The following RSRC1 variants were observed in gnomAD, a reference collection of about 807,000 sequenced individuals.
The protein encoded by RSRC1 is serine/Arginine-related protein 53.
RSRC1 carries 39 observed loss-of-function variants against 49.1 expected under a neutral mutation model. The observed-to-expected ratio is 0.79, with a 90% CI of 0.61 to 1.04. The LOEUF (loss-of-function observed/expected upper bound fraction) is 1.04. RSRC1 is among the 50% of genes least tolerant of loss of function. RSRC1 has a pLI of 0.00. For synonymous variants in RSRC1, 143 were observed against 130.8 expected, an observed-to-expected ratio of 1.09 and a Z score of -0.63; for missense variants, 388 against 402.4, an observed-to-expected ratio of 0.96 and a Z score of 0.31.
intron 7 of RSRC1, among the ~76,000 whole-genome samples, chr3:158,476,533 T>C (rs915592266): frequency 1.3e-5 from 2 of 152,110 alleles, no homozygotes; most frequent in Non-Finnish European, 2.9e-5. Flanking sequence ...CTAGGGTCCT[T>C]GTGAATTATG....
chr3:158,376,584 C>T (rs1445502402), intron 6 of RSRC1, among the ~76,000 whole-genome samples: 4 of 152,152 alleles, frequency 2.6e-5, no homozygotes, highest in Non-Finnish European at 5.9e-5. Flanking sequence ...GTTCCCTTTC[C>T]CAGCATTATG....
At chr3:158,517,495 G>A (rs902108246) in intron 7 of RSRC1, among the ~76,000 whole-genome samples, 23 of 152,098 alleles carry the variant, frequency 1.5e-4, no homozygotes, top group African/African-American at 5.1e-4. Context: ...TTTTATAGGG[G>A]GTGATGTTTG....
chr3:158,436,188 G>T (rs1466861015), intron 6 of RSRC1, among the ~76,000 whole-genome samples: 1 of 151,878 alleles, frequency 6.6e-6, no homozygotes, highest in African/African-American at 2.4e-5. Context: ...ACCTCAAGTA[G>T]TTGGCAGTCT....
intron 5 of RSRC1, among the ~76,000 whole-genome samples, chr3:158,342,112 T>C (rs1730278782): frequency 6.6e-6 from 1 of 152,210 alleles, no homozygotes; most frequent in African/African-American, 2.4e-5. Context: ...GGAAGGAATT[T>C]GCTTTGTCTC....
At chr3:158,166,340 G>A (rs866117187) in intron 3 of RSRC1, among the ~76,000 whole-genome samples, 4 of 152,084 alleles carry the variant, frequency 2.6e-5, no homozygotes, top group South Asian at 2.1e-4. Flanking sequence ...CATTAGCTAA[G>A]CATCTGTAAA....
chr3:158,369,314 G>A (rs1553794771), intron 6 of RSRC1, among the ~76,000 whole-genome samples: 1 of 151,786 alleles, frequency 6.6e-6, no homozygotes, highest in Non-Finnish European at 1.5e-5. Flanking sequence ...TAAAATATGT[G>A]CACATTGCCA....
At chr3:158,424,222 AGG>A in intron 6 of RSRC1, among the ~76,000 whole-genome samples, 1 of 152,180 alleles carries the variant, frequency 6.6e-6, no homozygotes, top group Middle Eastern at 3.4e-3. Flanking sequence ...GGTTTGTCAT[AGG>A]TAGCTCTTAT....
At chr3:158,420,625 G>T (rs1386303989) in intron 6 of RSRC1, among the ~76,000 whole-genome samples, 2 of 151,766 alleles carry the variant, frequency 1.3e-5, no homozygotes, top group Non-Finnish European at 2.9e-5. Flanking sequence ...GAGAGTTTAT[G>T]ACTCTCTAAA....
intron 7 of RSRC1, among the ~76,000 whole-genome samples, chr3:158,536,310 A>T (rs1205012500): frequency 2.0e-5 from 3 of 151,446 alleles, no homozygotes; most frequent in Non-Finnish European, 4.4e-5. Context: ...CAGATCCAGA[A>T]TCTAGAAACT....
intron 5 of RSRC1, among the ~76,000 whole-genome samples, chr3:158,330,616 A>T (rs536348479): frequency 7.9e-5 from 12 of 152,046 alleles, no homozygotes; most frequent in Admixed American, 6.6e-4. Context: ...TATTTAGGTT[A>T]TTTTTTGATC....
intron 3 of RSRC1, among the ~76,000 whole-genome samples, chr3:158,183,559 TA>T (rs1166423486): frequency 6.6e-6 from 1 of 152,032 alleles, no homozygotes; most frequent in African/African-American, 2.4e-5. Flanking sequence ...AAAGGACCAC[TA>T]AAAAAAGGAG....
intron 7 of RSRC1, among the ~76,000 whole-genome samples, chr3:158,467,495 A>G (rs1160736663): frequency 1.3e-5 from 2 of 152,198 alleles, no homozygotes; most frequent in African/African-American, 4.8e-5. Flanking sequence ...TATAGACTTT[A>G]TAAAATATTA....
At chr3:158,212,981 G>A (rs952643132) in intron 4 of RSRC1, among the ~76,000 whole-genome samples, 2 of 151,906 alleles carry the variant, frequency 1.3e-5, no homozygotes, top group Admixed American at 6.6e-5. Flanking sequence ...GATCATTGGA[G>A]TGGCATCTCC....
intron 4 of RSRC1, among the ~76,000 whole-genome samples, chr3:158,257,672 C>G (rs560871167): frequency 1.1e-4 from 17 of 152,124 alleles, no homozygotes; most frequent in African/African-American, 3.9e-4. Context: ...TTACTCTGGC[C>G]ATTTTGTTAT....
intron 6 of RSRC1, among the ~76,000 whole-genome samples, chr3:158,398,182 GATA>G (rs1733709054): frequency 5.3e-5 from 8 of 152,172 alleles, no homozygotes; most frequent in Admixed American, 5.2e-4. Flanking sequence ...AAAACTCAGG[GATA>G]ATATGAGACT....
At chr3:158,271,078 G>A (rs968392577) in intron 4 of RSRC1, among the ~76,000 whole-genome samples, 7 of 152,024 alleles carry the variant, frequency 4.6e-5, no homozygotes, top group Admixed American at 2.0e-4. Context: ...TGTAGCCTTT[G>A]TAGTCATAAA....
rs374310543 is a variant in RSRC1, at chr3:158,353,424, ATTG to A, written c.532-1429_532-1427del. Among the ~76,000 whole-genome samples, 3 of 152,324 alleles carry A rather than the reference ATTG, an allele frequency of 2.0e-5. No homozygotes were observed. The East Asian group carries it at 5.8e-4, about 29-fold the overall frequency. On this transcript the variant is annotated intron_variant, in intron 5 of 9. Coordinates refer to ENST00000611884, the MANE Select transcript of RSRC1 (RefSeq NM_001271838.2). ...TTCCTGCTACAAATAATGAACTCTT[ATTG>A]TTGAGTTGATCACAAAAGCCAGTAG...
intron 6 of RSRC1, among the ~76,000 whole-genome samples, chr3:158,432,671 C>T (rs1363579703): frequency 2.0e-5 from 3 of 151,828 alleles, no homozygotes; most frequent in African/African-American, 7.2e-5. Context: ...TTTAGATTAA[C>T]AAATTTCATT....
At chr3:158,385,229 C>A (rs1019259981) in intron 6 of RSRC1, among the ~76,000 whole-genome samples, 1 of 152,104 alleles carries the variant, frequency 6.6e-6, no homozygotes, top group Non-Finnish European at 1.5e-5. Context: ...ATAACAGTTC[C>A]TGACACTATT....
Sources: gnomAD v4.1 joint callset for allele counts (sites outside exome capture counted in the v4.1 genomes callset) on GRCh38, gnomAD v4.1.1 for gene constraint, MANE v1.5 for transcripts, NCBI Gene and HGNC (gene_info 2026-07-23, HGNC 2026-07-21) for gene names.